Variants in NXPH1 observed in about 807,000 individuals in gnomAD.
The protein encoded by NXPH1 is neurexophilin 1.
A neutral mutation model predicts 23.7 loss-of-function variants in NXPH1; 5 were observed. The observed-to-expected ratio is 0.21, with a 90% confidence interval of 0.11 to 0.44. The LOEUF is 0.44. NXPH1 is among the 20% of genes least tolerant of loss of function. The probability of loss-of-function intolerance (pLI) is 0.99; values close to 1 mark genes in which losing one functional copy is unlikely to be tolerated. For synonymous variants in NXPH1, 144 were observed against 122.2 expected (o/e 1.18, Z -1.18); for missense variants, 324 against 321.6 (o/e 1.01, Z -0.06).
intron 2 of NXPH1, among the ~76,000 whole-genome samples, chr7:8,649,386 A>T (rs1003731774): frequency 9.9e-5 from 15 of 152,164 alleles, no homozygotes; most frequent in Admixed American, 9.2e-4. Context: ...GTACGTTCAA[A>T]CTACCTACTT....
At chr7:8,666,402 A>T (rs2107471) in intron 2 of NXPH1, among the ~76,000 whole-genome samples, 106,267 of 151,850 alleles carry the variant, frequency 0.7, 37,879 homozygotes, top group East Asian at 1. Context: ...TCATAATAAG[A>T]AATCCTTTTA....
At position 8,696,386 on chromosome 7, in the gene NXPH1, C is replaced by T. The variant is rs143092458; in HGVS notation, c.55-54622C>T. ...AAGGTTCTTGCTTTCATGGGTCTTACATTCTGAGGAGGAGTATTACTAAAT... is the reference window on the plus strand; with the variant it reads ...AAGGTTCTTGCTTTCATGGGTCTTATATTCTGAGGAGGAGTATTACTAAAT... On this transcript the variant is annotated intron_variant, in intron 2 of 2. Transcript: ENST00000405863. 2.9e-3 allele frequency among the ~76,000 whole-genome samples: 436 copies of T among 152,248 alleles called. 1 individual carries two copies. Among genetic ancestry groups the T allele is most frequent in the African/African-American group, 0.01 (416 of 41,528 alleles).
At chr7:8,726,577 T>A (rs1196931300) in intron 2 of NXPH1, among the ~76,000 whole-genome samples, 4 of 147,206 alleles carry the variant, frequency 2.7e-5, no homozygotes, top group Non-Finnish European at 6.0e-5. Flanking sequence ...TGAGTGAGAA[T>A]ATGCAGTGTT....
intron 2 of NXPH1, among the ~76,000 whole-genome samples, chr7:8,710,876 A>T (rs1028014099): frequency 6.9e-6 from 1 of 144,852 alleles, no homozygotes; most frequent in African/African-American, 2.7e-5. Flanking sequence ...GTTAGCCAGG[A>T]TGGTCTCGAT....
chr7:8,590,653 AT>A (rs1819074720), intron 2 of NXPH1, among the ~76,000 whole-genome samples: 1 of 152,084 alleles, frequency 6.6e-6, no homozygotes, highest in African/African-American at 2.4e-5. Flanking sequence ...GTAAATATTA[AT>A]TCTTTGGCTT....
Position 8,558,589 on chromosome 7 carries a change from C to A in NXPH1, c.54+122822C>A, listed in dbSNP as rs552296178. Among the ~76,000 whole-genome samples, 5 of 151,694 alleles carry A rather than the reference C, an allele frequency of 3.3e-5. No individual in the cohort carries two copies. In the South Asian group the frequency reaches 1.0e-3, roughly 32 times the overall value. The stretch of plus-strand genomic sequence containing the variant: ...CCTTTTCTTACAAGTAGGTTTAGTT[C>A]TTTAAACCTTTGAATGTGGCTCCAT... On this transcript the variant is annotated intron_variant, in intron 2 of 2. Transcript: ENST00000405863.
At chr7:8,578,179 C>T (rs775350279) in intron 2 of NXPH1, among the ~76,000 whole-genome samples, 5 of 152,286 alleles carry the variant, frequency 3.3e-5, no homozygotes, top group East Asian at 1.9e-4. Flanking sequence ...CCTTCTATAA[C>T]GGAGGAGGGT....
At chr7:8,553,345 T>C (rs866481119) in intron 2 of NXPH1, among the ~76,000 whole-genome samples, 6,382 of 151,220 alleles carry the variant, frequency 0.042, 438 homozygotes, top group African/African-American at 0.15. Flanking sequence ...GGCATTTTTT[T>C]TTTTTTTTGC....
In NXPH1 at chr7:8,434,447, C is replaced by T. The variant is rs1386355969; in HGVS notation, c.-419C>T. The T allele has an allele frequency of 2.0e-5, 3 of 153,770 alleles. No homozygotes were observed. Among genetic ancestry groups the T allele is most frequent in the Admixed American group, 6.5e-5 (1 of 15,302 alleles). The allele number at this position is 153,770 out of a possible 1,614,324, so 9.5% of individuals were successfully genotyped here. A position where few individuals can be genotyped will look rare whatever the true frequency, so the allele number is the denominator to read the frequency against. ...CTCTCCCTCCCTCTTGCTCTCCCTC[C>T]CTTTCTGTCTTCCTCTCTTTCCTCC... On this transcript the variant is annotated 5_prime_UTR_variant, in exon 1 of 3. Coordinates refer to ENST00000405863, the MANE Select transcript of NXPH1 (RefSeq NM_152745.3). This position sits in a 1 kb window ranked among gnomAD's most constrained non-coding sequence, Gnocchi z 7.6.
intron 2 of NXPH1, among the ~76,000 whole-genome samples, chr7:8,721,216 A>T (rs1445969696): frequency 6.6e-6 from 1 of 152,178 alleles, no homozygotes; most frequent in Admixed American, 6.5e-5. Flanking sequence ...TACTCTCAAA[A>T]TGGCTCAGAA....
At position 8,454,868 on chromosome 7, in the gene NXPH1, T is replaced by C. The variant is rs1359385751; in HGVS notation, c.54+19101T>C. ...GCTTACTACATTAGACAGTCATCTT[T>C]CCTAGGAGCCACTGCATTATATATA... is the stretch of plus-strand genomic sequence containing the variant. On this transcript the variant is annotated intron_variant, in intron 2 of 2. Transcript: ENST00000405863. Among the ~76,000 whole-genome samples the C allele has an allele frequency of 2.0e-5, 3 of 152,176 alleles. No homozygotes were observed. In the East Asian group the frequency reaches 5.8e-4, roughly 29 times the overall value.
At chr7:8,733,679 C>T (rs906898726) in intron 2 of NXPH1, among the ~76,000 whole-genome samples, 1 of 152,098 alleles carries the variant, frequency 6.6e-6, no homozygotes, top group African/African-American at 2.4e-5. Flanking sequence ...TAAATGTCTT[C>T]TTTCGAGAAG....
chr7:8,663,385 T>C (rs1483882420), intron 2 of NXPH1, among the ~76,000 whole-genome samples: 3 of 152,100 alleles, frequency 2.0e-5, no homozygotes, highest in Non-Finnish European at 4.4e-5. Flanking sequence ...TCCATCTGAT[T>C]TACAGTTTTT....
At chr7:8,468,949 G>C (rs1193882828) in intron 2 of NXPH1, among the ~76,000 whole-genome samples, 2 of 151,946 alleles carry the variant, frequency 1.3e-5, no homozygotes, top group Non-Finnish European at 2.9e-5. Flanking sequence ...ATTTTTATCT[G>C]TGATTTTGAG....
intron 2 of NXPH1, among the ~76,000 whole-genome samples, chr7:8,707,335 C>A (rs1465000096): frequency 6.6e-6 from 1 of 152,134 alleles, no homozygotes; most frequent in African/African-American, 2.4e-5. Flanking sequence ...TCCTTTAATT[C>A]CTGACAACAT....
At chr7:8,470,409 C>T (rs1034131796) in intron 2 of NXPH1, among the ~76,000 whole-genome samples, 5 of 152,120 alleles carry the variant, frequency 3.3e-5, no homozygotes, top group African/African-American at 1.2e-4. Context: ...AATAATTTTC[C>T]TACAAAGGGA....
At chr7:8,538,903 A>G (rs893435772) in intron 2 of NXPH1, among the ~76,000 whole-genome samples, 2 of 151,932 alleles carry the variant, frequency 1.3e-5, no homozygotes, top group Non-Finnish European at 2.9e-5. Context: ...GAAAGAGATG[A>G]AATTAGCAGA....
At chr7:8,443,248 G>A (rs183914166) in intron 2 of NXPH1, among the ~76,000 whole-genome samples, 72 of 152,296 alleles carry the variant, frequency 4.7e-4, no homozygotes, top group African/African-American at 1.7e-3. Flanking sequence ...CAGTGGTTGC[G>A]GCGTCACGTG....
intron 2 of NXPH1, among the ~76,000 whole-genome samples, chr7:8,534,559 A>C (rs117258619): frequency 0.016 from 2,484 of 152,286 alleles, 39 homozygotes; most frequent in Non-Finnish European, 0.025. Flanking sequence ...ATAAAAGCAT[A>C]GTATGTAAAA....
Sources: allele counts gnomAD v4.1 joint callset (sites outside exome capture counted in the v4.1 genomes callset), GRCh38; gene constraint gnomAD v4.1.1; non-coding constraint Gnocchi (gnomAD v3.1); transcripts MANE v1.5; gene names NCBI Gene and HGNC (gene_info 2026-07-23, HGNC 2026-07-21).